KIAA1217: variants seen among roughly 807,000 people sequenced by gnomAD.
The protein encoded by KIAA1217 is KIAA1217.
KIAA1217 carries 88 observed loss-of-function variants against 163.9 expected under a neutral mutation model. That is an observed-to-expected ratio of 0.54 (90% CI 0.45 to 0.64). KIAA1217 has a LOEUF of 0.64. KIAA1217 is among the 30% of genes least tolerant of loss of function. The probability of loss-of-function intolerance (pLI) is 0.00; values close to 1 mark genes in which losing one functional copy is unlikely to be tolerated. For synonymous variants in KIAA1217, 903 were observed against 923.1 expected (o/e 0.98, Z 0.39); for missense variants, 2,372 against 2,475.0 (o/e 0.96, Z 0.88).
At chr10:23,701,737 T>C (rs1255151431) in intron 1 of KIAA1217, among the ~76,000 whole-genome samples, 19 of 152,378 alleles carry the variant, frequency 1.2e-4, no homozygotes, top group Non-Finnish European at 5.9e-5. Context: ...TTAAATGCCC[T>C]GTTGTCTGGG....
chr10:24,103,480 A>C lies in KIAA1217; in HGVS notation c.-171+96106A>C, dbSNP rs116350880. ...AGAAGGCAAGCCAATAACTGGGAGA[A>C]TATATTTGGAAAAGACACATCTGAA... On this transcript the variant is annotated intron_variant, in intron 2 of 18. Coordinates refer to the KIAA1217 transcript ENST00000376462. 2.5e-3 allele frequency among the ~76,000 whole-genome samples: 383 copies of C among 152,328 alleles called. 1 individual carries two copies. Among genetic ancestry groups the C allele is most frequent in the African/African-American group, 8.9e-3 (369 of 41,590 alleles).
chr10:24,315,607 G>A (rs1176543635), intron 2 of KIAA1217, among the ~76,000 whole-genome samples: 2 of 152,130 alleles, frequency 1.3e-5, no homozygotes, highest in Admixed American at 1.3e-4. Flanking sequence ...TAGGCCAGGA[G>A]TGGTGGCCCA....
Position 24,543,776 on chromosome 10 carries a change from T to A in KIAA1217, c.4506T>A (p.Ser1502=), listed in dbSNP as rs746367215. Residue 1502 remains serine, a synonymous_variant, in exon 19 of 21, where the codon TCT becomes TCA. Transcript: ENST00000376454. ...AGAATAATAACACTTCCCAGATGTC[T>A]CATAAGAAGGTGGCCCCAGGCAATC... The part of the protein sequence containing the change: ...VVQNNNTSQM[S]HKKVAPGNLR... 6.2e-7 allele frequency: 1 copy of A among 1,613,456 alleles called. No individual in the cohort carries two copies. The highest frequency in any genetic ancestry group is 1.1e-5 in the South Asian group (1 of 90,998).
intron 2 of KIAA1217, among the ~76,000 whole-genome samples, chr10:24,308,324 T>A (rs1268850110): frequency 6.6e-6 from 1 of 152,238 alleles, no homozygotes; most frequent in African/African-American, 2.4e-5. Flanking sequence ...TGCTGTTAGA[T>A]AATATGCTGG....
rs531669953 is a variant in KIAA1217 at position 24,426,232 on chromosome 10, A to G, written c.554-6763A>G. Among the ~76,000 whole-genome samples the G allele has an allele frequency of 3.3e-5, 5 of 152,250 alleles. No homozygotes were observed. The East Asian group carries it at 5.8e-4, about 18-fold the overall frequency. On this transcript the variant is annotated intron_variant, in intron 3 of 20. Coordinates refer to ENST00000376454, the MANE Select transcript of KIAA1217 (RefSeq NM_019590.5). ...AGGAATAATTTAATGTGTTTCAACT[A>G]AAGGTATCTGAGCGTCTACTAGGTA...
At chr10:24,421,045 C>T (rs2058694098) in intron 3 of KIAA1217, among the ~76,000 whole-genome samples, 1 of 152,130 alleles carries the variant, frequency 6.6e-6, no homozygotes, top group Admixed American at 6.5e-5. Context: ...TGCTCTGTCA[C>T]CCAGGCTGGA....
chr10:24,539,457 C>T (rs1183246421), intron 17 of KIAA1217, among the ~76,000 whole-genome samples: 1 of 152,080 alleles, frequency 6.6e-6, no homozygotes, highest in East Asian at 1.9e-4. Context: ...TCTTCAACTA[C>T]TGACCTCAGG....
At chr10:23,893,616 C>T (rs1186766991) in intron 1 of KIAA1217, among the ~76,000 whole-genome samples, 1 of 152,006 alleles carries the variant, frequency 6.6e-6, no homozygotes, top group Non-Finnish European at 1.5e-5. Flanking sequence ...CCTGCTTTCT[C>T]TTGTGGGCAT....
Position 24,230,502 on chromosome 10 carries a change from G to GTTTTTTTTTTTTTTTTTT in KIAA1217, c.354+10597_354+10614dup, listed in dbSNP as rs71397936. Among the ~76,000 whole-genome samples, 2 of 90,606 alleles carry GTTTTTTTTTTTTTTTTTT rather than the reference G, an allele frequency of 2.2e-5. 1 individual carries two copies. The allele number at this position is 90,606 out of a possible 152,430, so 59.4% of individuals were successfully genotyped here. ...TTGGGTAGGCACTACTATTTGTTTT[G>GTTTTTTTTTTTTTTTTTT]TTTTTTTTTTTTTTTTTTTTTGAGA... On this transcript the variant is annotated intron_variant, in intron 2 of 20. Transcript: ENST00000376454.
At chr10:23,783,334 T>C (rs1315274933) in intron 1 of KIAA1217, among the ~76,000 whole-genome samples, 3 of 152,220 alleles carry the variant, frequency 2.0e-5, no homozygotes, top group Non-Finnish European at 2.9e-5. Context: ...ATGCTTTTTA[T>C]TTCTCATCCT....
At chr10:23,849,056 A>G (rs1839180404) in intron 1 of KIAA1217, among the ~76,000 whole-genome samples, 1 of 152,112 alleles carries the variant, frequency 6.6e-6, no homozygotes, top group Non-Finnish European at 1.5e-5. Context: ...CTCAGAGAGT[A>G]TGTTAGATGA....
intron 2 of KIAA1217, among the ~76,000 whole-genome samples, chr10:24,369,103 A>T (rs1485814810): frequency 1.3e-5 from 2 of 151,882 alleles, no homozygotes; most frequent in African/African-American, 4.8e-5. Flanking sequence ...CTCTTCAAAC[A>T]CTGGTATACT....
chr10:24,464,091 G>C (rs1592149304), intron 5 of KIAA1217, among the ~76,000 whole-genome samples: 1 of 152,274 alleles, frequency 6.6e-6, no homozygotes. Context: ...GTCCTAGATG[G>C]CACCAGGATA....
At chr10:23,857,819 A>G (rs1839767333) in intron 1 of KIAA1217, among the ~76,000 whole-genome samples, 1 of 152,126 alleles carries the variant, frequency 6.6e-6, no homozygotes, top group African/African-American at 2.4e-5. Context: ...GGATGAATGT[A>G]TGTTCATATA....
At chr10:24,164,750 T>C (rs1264649346) in intron 2 of KIAA1217, among the ~76,000 whole-genome samples, 3 of 152,000 alleles carry the variant, frequency 2.0e-5, no homozygotes, top group African/African-American at 4.8e-5. Flanking sequence ...CCCCCAACAA[T>C]TGGGAGCAGA....
intron 1 of KIAA1217, among the ~76,000 whole-genome samples, chr10:23,934,625 A>ATATTTTTTTTTTTTT (rs1554826424): frequency 1.5e-5 from 1 of 68,548 alleles, no homozygotes; most frequent in Non-Finnish European, 2.6e-5. Flanking sequence ...ATATATATAT[A>ATATTTTTTTTTTTTT]TTTTTTTTTT....
upstream of KIAA1217, chr10:24,209,074 G>A (rs2067741766): frequency 2.7e-6 from 2 of 753,144 alleles, no homozygotes. Flanking sequence ...TTTGGGGTGG[G>A]GTTTCGCACC....
rs12571850 is a variant in KIAA1217, at chr10:24,337,993, C to T, written c.355-42876C>T. On this transcript the variant is annotated intron_variant, in intron 2 of 20. Coordinates refer to ENST00000376454, the MANE Select transcript of KIAA1217 (RefSeq NM_019590.5). ...CTCCTAGTCATTTTGCCAGTTTCAG[C>T]AGTACATGGGACATTGTAATCTCTC... Among the ~76,000 whole-genome samples, 5 of 152,272 alleles carry T rather than the reference C, an allele frequency of 3.3e-5. No individual in the cohort carries two copies. In the South Asian group the frequency reaches 1.0e-3, roughly 32 times the overall value.
Position 23,997,902 on chromosome 10 carries a change from C to A in KIAA1217, c.-320-9323C>A, listed in dbSNP as rs1846561479. ...GAAGAAGGGCACAGCCATGCCTATA[C>A]CTGGAGTGATTTCTCCAGGGAACAT... On this transcript the variant is annotated intron_variant, in intron 1 of 18. Coordinates refer to the KIAA1217 transcript ENST00000376462. Among the ~76,000 whole-genome samples the A allele has an allele frequency of 2.6e-5, 4 of 152,086 alleles. No individual in the cohort carries two copies. In the South Asian group the frequency reaches 8.3e-4, roughly 32 times the overall value.
Sources: allele counts gnomAD v4.1 joint callset (sites outside exome capture counted in the v4.1 genomes callset), GRCh38; gene constraint gnomAD v4.1.1; transcripts MANE v1.5; gene names NCBI Gene and HGNC (gene_info 2026-07-23, HGNC 2026-07-21).